The following BTBD9 variants were observed in gnomAD, a reference collection of about 807,000 sequenced individuals.
The protein encoded by BTBD9 is BTB domain containing 9, also known as BTB/POZ domain-containing protein 9.
Under a neutral mutation model 64.3 loss-of-function variants are expected in BTBD9, and 49 were observed. The observed-to-expected ratio is 0.76, with a 90% CI of 0.61 to 0.97. BTBD9 has a LOEUF of 0.97. Ranked by LOEUF, BTBD9 falls within the 50% of genes least tolerant of loss-of-function variation. BTBD9 has a pLI of 0.00. For missense variants in BTBD9, 598 were observed against 762.1 expected (o/e 0.78, Z 2.53); for synonymous variants, 260 against 274.7 (o/e 0.95, Z 0.53).
At chr6:38,348,996 C>A (rs1764395872) in intron 6 of BTBD9, among the ~76,000 whole-genome samples, 1 of 152,176 alleles carries the variant, frequency 6.6e-6, no homozygotes, top group African/African-American at 2.4e-5. Flanking sequence ...GCAGCCTCAA[C>A]TTCTGGGCTT....
intron 8 of BTBD9, among the ~76,000 whole-genome samples, chr6:38,286,527 T>C (rs976978262): frequency 1.3e-5 from 2 of 152,076 alleles, no homozygotes; most frequent in Non-Finnish European, 1.5e-5. Flanking sequence ...CATACATATA[T>C]ATATAAACAT....
At chr6:38,267,471 C>T (rs569984355) in intron 8 of BTBD9, among the ~76,000 whole-genome samples, 1 of 152,330 alleles carries the variant, frequency 6.6e-6, no homozygotes, top group South Asian at 2.1e-4. Flanking sequence ...GTCACCTTGG[C>T]TCCAGGTTCC....
chr6:38,190,679 C>T (rs1157150902), intron 10 of BTBD9, among the ~76,000 whole-genome samples: 1 of 152,100 alleles, frequency 6.6e-6, no homozygotes, highest in Non-Finnish European at 1.5e-5. Flanking sequence ...GCCCCTTGCA[C>T]AGAGATTTTT....
chr6:38,299,126 G>A (rs1175608579), intron 7 of BTBD9, among the ~76,000 whole-genome samples: 7 of 152,118 alleles, frequency 4.6e-5, no homozygotes, highest in East Asian at 1.9e-4. Context: ...TTGTCCTTGC[G>A]ATAGTTTGCT....
At chr6:38,588,943 A>G (rs542663289) in intron 4 of BTBD9, among the ~76,000 whole-genome samples, 2 of 152,342 alleles carry the variant, frequency 1.3e-5, no homozygotes, top group Admixed American at 6.5e-5. Context: ...AATAAAGATG[A>G]TTGAATTAAA....
At chr6:38,620,396 C>A (rs1459885577) in intron 1 of BTBD9, among the ~76,000 whole-genome samples, 1 of 152,198 alleles carries the variant, frequency 6.6e-6, no homozygotes, top group African/African-American at 2.4e-5. Context: ...CTTTGAGGAT[C>A]CCACAGACCA....
intron 6 of BTBD9, among the ~76,000 whole-genome samples, chr6:38,462,082 C>T (rs751903030): frequency 3.3e-5 from 5 of 152,082 alleles, no homozygotes; most frequent in Non-Finnish European, 5.9e-5. Context: ...TATACGATTG[C>T]AAATATCTTC....
chr6:38,553,491 A>G (rs1774898035), intron 6 of BTBD9, among the ~76,000 whole-genome samples: 1 of 152,242 alleles, frequency 6.6e-6, no homozygotes, highest in Non-Finnish European at 1.5e-5. Context: ...CAAACTGGTT[A>G]TCCCTTACAC....
intron 6 of BTBD9, among the ~76,000 whole-genome samples, chr6:38,527,446 C>T (rs541331293): frequency 1.4e-4 from 21 of 152,154 alleles, no homozygotes; most frequent in Non-Finnish European, 2.6e-4. Context: ...ATCACAGGGG[C>T]AGTATCCCCC....
intron 1 of BTBD9, among the ~76,000 whole-genome samples, chr6:38,634,803 A>G (rs1387448316): frequency 6.6e-6 from 1 of 152,216 alleles, no homozygotes; most frequent in African/African-American, 2.4e-5. Context: ...GGTTATTGCT[A>G]TGTATCAGGC....
chr6:38,311,275 G>C (rs866040414), intron 7 of BTBD9, among the ~76,000 whole-genome samples: 1 of 151,084 alleles, frequency 6.6e-6, no homozygotes, highest in African/African-American at 2.4e-5. Context: ...TCTCTGGTAA[G>C]AATCATTCTA....
chr6:38,203,390 A>C (rs1259791208), intron 9 of BTBD9, among the ~76,000 whole-genome samples: 1 of 152,178 alleles, frequency 6.6e-6, no homozygotes, highest in Non-Finnish European at 1.5e-5. Flanking sequence ...CAGCAATTTC[A>C]CTTCTGGCTA....
intron 6 of BTBD9, among the ~76,000 whole-genome samples, chr6:38,427,611 T>A (rs1274691794): frequency 6.6e-6 from 1 of 151,978 alleles, no homozygotes; most frequent in African/African-American, 2.4e-5. Context: ...TCAAAGTATT[T>A]GTGTGTGTGC....
intron 9 of BTBD9, among the ~76,000 whole-genome samples, chr6:38,251,071 G>C (rs1764377907): frequency 6.8e-6 from 1 of 147,982 alleles, no homozygotes; most frequent in Admixed American, 6.8e-5. Flanking sequence ...GACAGAGAGA[G>C]ACTATGTCTC....
At position 38,594,168 on chromosome 6, in the gene BTBD9, G is replaced by T; in HGVS notation, c.345C>A (p.Ser115Arg). The T allele has an allele frequency of 5.6e-6, 9 of 1,614,156 alleles. No individual in the cohort carries two copies. The highest frequency in any genetic ancestry group is 7.6e-6 in the Non-Finnish European group (9 of 1,180,014). ...CTGGAAATCCATATTTATGAGCCAG[G>T]CTCAAAAAGTCCAGCAGCACCTCCT... ...EKEEVLLDFL[S>R]LAHKYGFPEL... Residue 115 changes from serine (S) to arginine (R), a missense_variant, in exon 3 of 11, where the codon AGC (serine) becomes AGA (arginine). By Grantham distance (110) the Ser-to-Arg change is moderately radical. Coordinates refer to ENST00000481247, the MANE Select transcript of BTBD9 (RefSeq NM_001099272.2).
chr6:38,535,662 C>T (rs1244963212), intron 6 of BTBD9, among the ~76,000 whole-genome samples: 6 of 151,976 alleles, frequency 3.9e-5, no homozygotes, highest in Admixed American at 3.9e-4. Context: ...AAAACAGATA[C>T]ATAGACCAAC....
Position 38,175,026 on chromosome 6 carries a change from G to A in BTBD9, c.1798C>T (p.Pro600Ser). 2.5e-6 allele frequency: 4 copies of A among 1,614,100 alleles called. No homozygotes were observed. Among genetic ancestry groups the A allele is most frequent in the Non-Finnish European group, 3.4e-6 (4 of 1,180,030 alleles). The change falls in exon 11 of 11, where the codon CCA (proline) becomes TCA (serine). Residue 600 changes from proline (P) to serine (S), a missense_variant. By Grantham distance (74) the Pro-to-Ser change is moderately conservative (BLOSUM62 -1). Coordinates refer to ENST00000481247, the MANE Select transcript of BTBD9 (RefSeq NM_001099272.2). ...APSGSSLPSS[P>S]GSNSRSPNRQ... ...TTGGGGGAGCGTGAGTTGGAGCCTG[G>A]GCTGGAGGGTAGTGAGCTGCCACTA...
At chr6:38,456,699 T>G (rs550666774) in intron 6 of BTBD9, among the ~76,000 whole-genome samples, 1 of 152,312 alleles carries the variant, frequency 6.6e-6, no homozygotes, top group African/African-American at 2.4e-5. Flanking sequence ...TAAAAAAAGT[T>G]GGGTTGTCTG....
chr6:38,336,609 C>T lies in BTBD9; in HGVS notation c.1264+8375G>A, dbSNP rs543884028. On this transcript the variant is annotated intron_variant, in intron 7 of 10. Coordinates refer to ENST00000481247, the MANE Select transcript of BTBD9 (RefSeq NM_001099272.2). ...CAATTACCTCCCACCGGGTCCCTCC[C>T]ACAACATGTGGGATTATGGGAACTA... Among the ~76,000 whole-genome samples the T allele has an allele frequency of 5.3e-5, 8 of 152,264 alleles. No homozygotes were observed. In the South Asian group the frequency reaches 1.7e-3, roughly 32 times the overall value.
Sources: allele counts gnomAD v4.1 joint callset (sites outside exome capture counted in the v4.1 genomes callset), GRCh38; gene constraint gnomAD v4.1.1; transcripts MANE v1.5; gene names NCBI Gene and HGNC (gene_info 2026-07-23, HGNC 2026-07-21).